The following ANKLE2 variants were observed in gnomAD, a reference collection of about 807,000 sequenced individuals.
The protein encoded by ANKLE2 is ankyrin repeat and LEM domain containing 2, also known as ankyrin repeat and LEM domain-containing protein 2.
A neutral mutation model predicts 84.2 loss-of-function variants in ANKLE2; 55 were observed. That is an observed-to-expected ratio of 0.65 (90% CI 0.53 to 0.82). The LOEUF (loss-of-function observed/expected upper bound fraction) is 0.82. Among genes scored for constraint, ANKLE2 ranks in the 40% least tolerant of loss-of-function variants. ANKLE2 has a pLI of 0.00. For missense variants in ANKLE2, 1,238 were observed against 1,201.9 expected, an observed-to-expected ratio of 1.03 and a Z score of -0.44; for synonymous variants, 551 against 486.1, an observed-to-expected ratio of 1.13 and a Z score of -1.76.
At chr12:132,759,314 A>T (rs1723778247) in intron 1 of ANKLE2, 1 of 152,264 alleles carries the variant, frequency 6.6e-6, no homozygotes, top group African/African-American at 2.4e-5. Context: ...AGTTTCTGGT[A>T]ATTACAAATA....
intron 2 of ANKLE2, among the ~76,000 whole-genome samples, chr12:132,753,121 G>A (rs74533270): frequency 0.034 from 5,177 of 152,164 alleles, 130 homozygotes; most frequent in East Asian, 0.084. Flanking sequence ...GACCAGCCTG[G>A]GCAACATGGG....
intron 1 of ANKLE2, chr12:132,756,561 G>C (rs368741392): frequency 6.6e-5 from 10 of 151,790 alleles, no homozygotes; most frequent in African/African-American, 2.4e-4. Flanking sequence ...AAGATGGCGG[G>C]GGGGAGTAAT....
chr12:132,734,091 G>A (rs1477785201), intron 10 of ANKLE2: 4 of 480,966 alleles, frequency 8.3e-6, no homozygotes, highest in Admixed American at 2.4e-5. Flanking sequence ...AAAAAAATAC[G>A]AAAATTAGCC....
At chr12:132,750,896 G>A (rs753473465) in intron 2 of ANKLE2, 47 bp from the exon 3 acceptor site, 6 of 1,550,272 alleles carry the variant, frequency 3.9e-6, no homozygotes, top group Non-Finnish European at 5.3e-6. Context: ...AGTGACTGGA[G>A]AGCTGTCACC....
intron 1 of ANKLE2, chr12:132,757,864 G>A (rs1320182535): frequency 6.6e-6 from 1 of 151,732 alleles, no homozygotes; most frequent in South Asian, 2.1e-4. Flanking sequence ...TGCACCTGTG[G>A]TTCCAACTAC....
At chr12:132,756,473 C>T (rs11147049) in intron 1 of ANKLE2, 44,700 of 151,598 alleles carry the variant, frequency 0.29, 7,724 homozygotes, top group Non-Finnish European at 0.39. Context: ...TGGATGCCAC[C>T]ACGAGCTGAG....
chr12:132,737,317 G>GA (rs2044032716), intron 7 of ANKLE2: 3 of 417,842 alleles, frequency 7.2e-6, no homozygotes, highest in Non-Finnish European at 8.5e-6. Flanking sequence ...TACAAGAAAA[G>GA]AAAGAAAAGA....
chr12:132,735,207 C>A, intron 9 of ANKLE2, 199 bp downstream of exon 9: 1 of 588,644 alleles, frequency 1.7e-6, no homozygotes, highest in Non-Finnish European at 3.0e-6. Flanking sequence ...CTGCAGACAT[C>A]CCCCAGGTCT....
At chr12:132,728,254 G>T in intron 11 of ANKLE2, 91 bp from the exon 12 acceptor site, 1 of 1,507,624 alleles carries the variant, frequency 6.6e-7, no homozygotes. Flanking sequence ...TTTTGAGACG[G>T]AGTCTTGCTC....
rs1427468194 is a variant in ANKLE2, at chr12:132,750,610, G to A, written c.847+33C>T. The A allele has an allele frequency of 6.2e-6, 10 of 1,608,626 alleles. No homozygotes were observed. In the East Asian group the frequency reaches 1.3e-4, roughly 22 times the overall value. On this transcript the variant is annotated intron_variant, in intron 3 of 12. Transcript: ENST00000357997. ...AAACAGGGTGGGATCAATGTGACAG[G>A]AACATCAAGATGTGAACGGCTGCAT...
At chr12:132,754,067 C>T (rs1052290473) in intron 2 of ANKLE2, among the ~76,000 whole-genome samples, 5 of 151,552 alleles carry the variant, frequency 3.3e-5, no homozygotes, top group African/African-American at 1.2e-4. Context: ...ATGGTGAAAC[C>T]CCGTCTCTAC....
chr12:132,739,214 T>A (rs917919890), intron 7 of ANKLE2, among the ~76,000 whole-genome samples: 2 of 152,146 alleles, frequency 1.3e-5, no homozygotes, highest in Non-Finnish European at 2.9e-5. Context: ...ACATGCAGGT[T>A]ACCTATATAA....
In ANKLE2 at chr12:132,735,394, G is replaced by C; in HGVS notation, c.1700+12C>G. On this transcript the variant is annotated intron_variant, in intron 9 of 12. Transcript: ENST00000357997. ...GTGTGCCCCACGCTGCTGCGGCTCAGCCTTTCAGTACCTTCCCACTCTCTC... is the reference window on the plus strand; with the variant it reads ...GTGTGCCCCACGCTGCTGCGGCTCACCCTTTCAGTACCTTCCCACTCTCTC... 1.2e-6 allele frequency: 2 copies of C among 1,611,872 alleles called. No homozygotes were observed. Among genetic ancestry groups the C allele is most frequent in the Admixed American group, 3.3e-5 (2 of 60,010 alleles).
chr12:132,728,187 A>G lies in ANKLE2; in HGVS notation c.2484-24T>C, dbSNP rs114025684. 941 of 1,602,434 alleles carry G rather than the reference A, an allele frequency of 5.9e-4. 6 individuals are homozygous for G. The African/African-American group carries it at 0.01, about 18-fold the overall frequency. On this transcript the variant is annotated intron_variant, in intron 11 of 12. Coordinates refer to ENST00000357997, the MANE Select transcript of ANKLE2 (RefSeq NM_015114.3). The stretch of plus-strand genomic sequence containing the variant: ...CTCTAGAAAGCACAATAAAAGAAGC[A>G]AAAACATCTTTGGTAAAAACATAAA...
At chr12:132,728,271 C>A in intron 11 of ANKLE2, 108 bp from the exon 12 acceptor site, 2 of 1,412,490 alleles carry the variant, frequency 1.4e-6, no homozygotes, top group Admixed American at 2.1e-5. Flanking sequence ...GCTCTGTCGC[C>A]CAGGCTGGAA....
Position 132,754,853 on chromosome 12 carries a change from G to C in ANKLE2, c.462C>G (p.Asp154Glu). 1.2e-6 allele frequency: 2 copies of C among 1,614,110 alleles called. No individual in the cohort carries two copies. Among genetic ancestry groups the C allele is most frequent in the African/African-American group, 2.7e-5 (2 of 74,996 alleles). Residue 154 changes from aspartate (D) to glutamate (E), a missense_variant, in exon 2 of 13, where the codon GAC (aspartate) becomes GAG (glutamate). Physicochemically the swap from Asp to Glu is conservative, Grantham distance 45 (BLOSUM62 2). Transcript: ENST00000357997. ...NPTDQAGFSE[D>E]RDFGYSVGLN... ...GGCCCACACTGTAACCAAAATCTCT[G>C]TCTTCAGAAAAACCAGCCTGATCAG...
chr12:132,741,925 G>A (rs953941580), intron 6 of ANKLE2: 17 of 436,610 alleles, frequency 3.9e-5, no homozygotes, highest in East Asian at 2.1e-4. Flanking sequence ...TTCTATTTTT[G>A]CCACTAAAGA....
intron 5 of ANKLE2, among the ~76,000 whole-genome samples, chr12:132,747,178 C>T (rs1170066261): frequency 2.0e-5 from 3 of 152,206 alleles, no homozygotes; most frequent in Non-Finnish European, 2.9e-5. Flanking sequence ...CTACCAAGAT[C>T]GTTCCTGTTT....
At chr12:132,732,704 T>G (rs866654837) in intron 10 of ANKLE2, among the ~76,000 whole-genome samples, 33 of 96,574 alleles carry the variant, frequency 3.4e-4, no homozygotes, top group Non-Finnish European at 5.9e-4. Context: ...GTGTCTGATA[T>G]GCACCGTGTG....
Sources: allele counts gnomAD v4.1 joint callset (sites outside exome capture counted in the v4.1 genomes callset), GRCh38; gene constraint gnomAD v4.1.1; transcripts MANE v1.5; gene names NCBI Gene and HGNC (gene_info 2026-07-23, HGNC 2026-07-21).